CNTNAP2: variants seen among roughly 807,000 people sequenced by gnomAD.
CNTNAP2 encodes contactin-associated protein-like 2.
Under a neutral mutation model 155.2 loss-of-function variants are expected in CNTNAP2, and 98 were observed. The ratio of observed to expected loss-of-function variants is 0.63; its 90% CI spans 0.54 to 0.75. The LOEUF (loss-of-function observed/expected upper bound fraction) is 0.75, where lower values mean the gene tolerates loss of function less well. Among genes scored for constraint, CNTNAP2 ranks in the 30% least tolerant of loss-of-function variants. CNTNAP2 has a pLI of 0.00. For missense variants in CNTNAP2, 1,727 were observed against 1,688.1 expected, an observed-to-expected ratio of 1.02 and a Z score of -0.40; for synonymous variants, 651 against 631.2, an observed-to-expected ratio of 1.03 and a Z score of -0.47.
chr7:147,094,832 A>G (rs1015760067), intron 4 of CNTNAP2, among the ~76,000 whole-genome samples: 2 of 152,072 alleles, frequency 1.3e-5, no homozygotes, highest in South Asian at 4.1e-4. Context: ...GGCCTGCTAT[A>G]ACAGAATAAT....
intron 11 of CNTNAP2, among the ~76,000 whole-genome samples, chr7:147,498,633 G>A (rs780555136): frequency 4.6e-5 from 7 of 152,326 alleles, no homozygotes; most frequent in South Asian, 2.1e-4. Flanking sequence ...TTATTAATAA[G>A]TAACATTTCT....
chr7:146,998,401 A>T (rs1294108930), intron 3 of CNTNAP2, among the ~76,000 whole-genome samples: 2 of 152,018 alleles, frequency 1.3e-5, no homozygotes, highest in Non-Finnish European at 2.9e-5. Context: ...GATACGTGAT[A>T]TGACTTTAAT....
At chr7:148,074,730 T>A (rs1410769018) in intron 15 of CNTNAP2, among the ~76,000 whole-genome samples, 3 of 152,062 alleles carry the variant, frequency 2.0e-5, no homozygotes, top group Non-Finnish European at 4.4e-5. Flanking sequence ...ATAGAAATCC[T>A]TTTTCCATAA....
intron 12 of CNTNAP2, among the ~76,000 whole-genome samples, chr7:147,588,463 C>T (rs904271174): frequency 2.0e-5 from 3 of 152,170 alleles, no homozygotes; most frequent in Non-Finnish European, 4.4e-5. Flanking sequence ...AACAGAAGCA[C>T]TCTTTCTTCA....
chr7:146,306,316 G>C (rs201418092), intron 1 of CNTNAP2, among the ~76,000 whole-genome samples: 1 of 152,120 alleles, frequency 6.6e-6, no homozygotes, highest in East Asian at 1.9e-4. Context: ...CTACCAGAGG[G>C]ACAAAGAGGA....
At chr7:147,092,199 T>C (rs993408581) in intron 4 of CNTNAP2, among the ~76,000 whole-genome samples, 5 of 152,370 alleles carry the variant, frequency 3.3e-5, no homozygotes, top group African/African-American at 1.2e-4. Context: ...GTATCAAATG[T>C]ATCCTGTTTC....
chr7:148,064,964 A>G (rs531850970), intron 15 of CNTNAP2, among the ~76,000 whole-genome samples: 2 of 152,256 alleles, frequency 1.3e-5, no homozygotes, highest in South Asian at 4.1e-4. Context: ...ACTTTGCTGT[A>G]TCCCAGAGGT....
chr7:147,001,616 A>G (rs1335683078), intron 3 of CNTNAP2, among the ~76,000 whole-genome samples: 1 of 151,996 alleles, frequency 6.6e-6, no homozygotes, highest in Non-Finnish European at 1.5e-5. Context: ...ATGATGCTGT[A>G]ATTCTTATCT....
At chr7:147,919,933 C>T (rs950889588) in intron 14 of CNTNAP2, among the ~76,000 whole-genome samples, 1 of 151,866 alleles carries the variant, frequency 6.6e-6, no homozygotes, top group African/African-American at 2.4e-5. Flanking sequence ...ATTTGCTAGG[C>T]AGCAATAAAA....
At chr7:146,803,913 A>T (rs1802923889) in intron 2 of CNTNAP2, among the ~76,000 whole-genome samples, 1 of 152,138 alleles carries the variant, frequency 6.6e-6, no homozygotes, top group African/African-American at 2.4e-5. Flanking sequence ...GCTCCCTTTG[A>T]TTTCAAAGGT....
intron 13 of CNTNAP2, among the ~76,000 whole-genome samples, chr7:147,829,050 C>A (rs1156448531): frequency 6.6e-6 from 1 of 152,132 alleles, no homozygotes; most frequent in African/African-American, 2.4e-5. Context: ...GGCAAGTTCC[C>A]CATTTCCCCT....
At chr7:147,265,145 G>T (rs1215411362) in intron 8 of CNTNAP2, among the ~76,000 whole-genome samples, 1 of 152,094 alleles carries the variant, frequency 6.6e-6, no homozygotes, top group South Asian at 2.1e-4. Flanking sequence ...CAGGGCTGTG[G>T]GTACCCAGAA....
At chr7:147,251,213 C>T (rs1804189721) in intron 8 of CNTNAP2, among the ~76,000 whole-genome samples, 1 of 152,022 alleles carries the variant, frequency 6.6e-6, no homozygotes, top group African/African-American at 2.4e-5. Flanking sequence ...TAGCAGACAC[C>T]ATCTTTCTGT....
intron 8 of CNTNAP2, among the ~76,000 whole-genome samples, chr7:147,227,244 C>T (rs58525662): frequency 0.21 from 31,481 of 152,016 alleles, 4,588 homozygotes; most frequent in East Asian, 0.77. Flanking sequence ...TAAAGGAAGC[C>T]CTTCTGGTTA....
chr7:147,094,546 C>G (rs190556650), intron 4 of CNTNAP2, among the ~76,000 whole-genome samples: 1 of 151,448 alleles, frequency 6.6e-6, no homozygotes, highest in Non-Finnish European at 1.5e-5. Flanking sequence ...GGACTACAGG[C>G]GTCCGCCACC....
chr7:147,982,404 C>T (rs2116871528), intron 15 of CNTNAP2, among the ~76,000 whole-genome samples: 2 of 152,256 alleles, frequency 1.3e-5, no homozygotes, highest in Admixed American at 1.3e-4. Flanking sequence ...GAAACACTGG[C>T]TGTGAAGCTG....
chr7:146,818,521 GT>G (rs1803217311), intron 2 of CNTNAP2, among the ~76,000 whole-genome samples: 1 of 151,562 alleles, frequency 6.6e-6, no homozygotes, highest in Non-Finnish European at 1.5e-5. Flanking sequence ...GGGGTCTTTT[GT>G]TTTAAATACC....
intron 12 of CNTNAP2, among the ~76,000 whole-genome samples, chr7:147,583,437 C>T (rs1800549904): frequency 1.4e-5 from 2 of 147,594 alleles, no homozygotes; most frequent in Non-Finnish European, 3.0e-5. Context: ...TATTTTTTTT[C>T]CAAACTTTTA....
At chr7:147,507,168 G>C (rs762699286) in intron 11 of CNTNAP2, among the ~76,000 whole-genome samples, 1 of 152,090 alleles carries the variant, frequency 6.6e-6, no homozygotes, top group Non-Finnish European at 1.5e-5. Context: ...GCTTCCTTCA[G>C]ACCTACTCTC....
Sources: gnomAD v4.1 joint callset for allele counts (sites outside exome capture counted in the v4.1 genomes callset) on GRCh38, gnomAD v4.1.1 for gene constraint, MANE v1.5 for transcripts, NCBI Gene and HGNC (gene_info 2026-07-23, HGNC 2026-07-21) for gene names.